Variants in PIWIL1 observed in about 807,000 individuals in gnomAD.
PIWIL1 encodes piwi like RNA-mediated gene silencing 1.
PIWIL1 carries 73 observed loss-of-function variants against 114.4 expected under a neutral mutation model. The observed-to-expected ratio is 0.64, with a 90% CI of 0.53 to 0.78. PIWIL1 has a LOEUF of 0.78. PIWIL1 is among the 30% of genes least tolerant of loss of function. PIWIL1 has a pLI of 0.00. For missense variants in PIWIL1, 723 were observed against 1,063.1 expected (o/e 0.68, Z 4.45); for synonymous variants, 375 against 369.0 (o/e 1.02, Z -0.19).
chr12:130,417,942 T>A, the PIWIL1 span, among the ~76,000 whole-genome samples: 4 of 151,728 alleles, frequency 2.6e-5, no homozygotes, highest in Non-Finnish European at 5.9e-5. Context: ...GGGAAGCAAG[T>A]GAGAAACACG....
chr12:130,342,495 CAAAG>C (rs1256601045), intron 1 of PIWIL1, 81 bp from the exon 2 acceptor site: 16 of 790,484 alleles, frequency 2.0e-5, no homozygotes, highest in African/African-American at 6.9e-5. Context: ...TTTTGAAACT[CAAAG>C]AAGTTTAAAG....
chr12:130,375,187 T>C (rs991223714), downstream of PIWIL1, among the ~76,000 whole-genome samples: 1 of 152,184 alleles, frequency 6.6e-6, no homozygotes, highest in Non-Finnish European at 1.5e-5. Context: ...GGTGCTTTCC[T>C]TCTAATTCTT....
At chr12:130,411,348 C>T in the PIWIL1 span, among the ~76,000 whole-genome samples, 1 of 152,100 alleles carries the variant, frequency 6.6e-6, no homozygotes, top group Non-Finnish European at 1.5e-5. Context: ...GGTGTGACTT[C>T]CCCTCACCAT....
chr12:130,349,533 G>A (rs2073157977), intron 8 of PIWIL1, 97 bp downstream of exon 8: 2 of 833,146 alleles, frequency 2.4e-6, no homozygotes, highest in Non-Finnish European at 3.8e-6. Flanking sequence ...TTAAAATTGA[G>A]TGGTGGGAAT....
intron 1 of PIWIL1, among the ~76,000 whole-genome samples, chr12:130,340,187 G>A (rs2072867239): frequency 6.6e-6 from 1 of 152,156 alleles, no homozygotes; most frequent in African/African-American, 2.4e-5. Flanking sequence ...TGGTTTCAGA[G>A]GAGGGTGAGG....
downstream of PIWIL1, among the ~76,000 whole-genome samples, chr12:130,376,921 G>A (rs1013820608): frequency 1.3e-5 from 2 of 152,166 alleles, no homozygotes; most frequent in Non-Finnish European, 2.9e-5. Flanking sequence ...TTCTCCTCCT[G>A]CCTTAGGGCC....
the PIWIL1 span, among the ~76,000 whole-genome samples, chr12:130,411,559 A>T: frequency 2.0e-5 from 3 of 151,856 alleles, no homozygotes; most frequent in Admixed American, 1.3e-4. Flanking sequence ...AGCATAAAAA[A>T]TTTTAATCTA....
At chr12:130,407,742 G>A in the PIWIL1 span, 1 of 1,613,878 alleles carries the variant, frequency 6.2e-7, no homozygotes. Flanking sequence ...ATCGACGTTG[G>A]GCGAGCTTTC....
intron 9 of PIWIL1, among the ~76,000 whole-genome samples, chr12:130,351,914 T>G (rs1238762992): frequency 6.6e-6 from 1 of 152,194 alleles, no homozygotes; most frequent in Admixed American, 6.5e-5. Flanking sequence ...GTGGCACCCG[T>G]GGCCCTGTGT....
At chr12:130,402,753 GCCC>G in the PIWIL1 span, among the ~76,000 whole-genome samples, 50 of 152,280 alleles carry the variant, frequency 3.3e-4, no homozygotes, top group Admixed American at 1.8e-3. Context: ...TTTTCTCTGT[GCCC>G]CAGTCAGTGA....
intron 19 of PIWIL1, among the ~76,000 whole-genome samples, chr12:130,368,672 T>C (rs2073736271): frequency 1.3e-5 from 2 of 152,116 alleles, no homozygotes; most frequent in Admixed American, 1.3e-4. Flanking sequence ...TCTTTCACCG[T>C]ATTCAAAACG....
chr12:130,349,580 C>T (rs941346392), intron 8 of PIWIL1, 144 bp downstream of exon 8: 3 of 636,676 alleles, frequency 4.7e-6, no homozygotes, highest in Admixed American at 2.9e-5. Flanking sequence ...TTCAGCTTTC[C>T]CAGGATCATA....
chr12:130,346,454 T>C lies in PIWIL1; in HGVS notation c.401T>C (p.Ile134Thr). ...CAGTGGGCCTTATATCAGTATCACA[T>C]TGACTATAACCCACTGATGGAAGCC... Reference protein sequence around the residue: ...RPQWALYQYHIDYNPLMEARR... With the variant: ...RPQWALYQYHTDYNPLMEARR... The change falls in exon 5 of 21, where the codon ATT (isoleucine) becomes ACT (threonine). Residue 134 changes from isoleucine (I) to threonine (T), a missense_variant. Physicochemically the swap from Ile to Thr is moderately conservative, Grantham distance 89 (BLOSUM62 -1). Coordinates refer to ENST00000245255, the MANE Select transcript of PIWIL1 (RefSeq NM_004764.5). 1 of 1,614,092 alleles carries C rather than the reference T, an allele frequency of 6.2e-7. No homozygotes were observed. Among genetic ancestry groups the C allele is most frequent in the Non-Finnish European group, 8.5e-7 (1 of 1,179,908 alleles).
the PIWIL1 span, among the ~76,000 whole-genome samples, chr12:130,411,837 G>A: frequency 2.4e-5 from 3 of 122,726 alleles, no homozygotes; most frequent in Admixed American, 1.5e-4. Flanking sequence ...AGGTTGAAAT[G>A]TTTTGATTTT....
intron 8 of PIWIL1, among the ~76,000 whole-genome samples, 191 bp downstream of exon 8, chr12:130,349,627 A>C (rs1309098100): frequency 6.6e-6 from 1 of 152,208 alleles, no homozygotes; most frequent in Non-Finnish European, 1.5e-5. Flanking sequence ...GAGAGGACAA[A>C]TAGCTAGTGA....
chr12:130,409,504 G>A, the PIWIL1 span, among the ~76,000 whole-genome samples: 14 of 151,984 alleles, frequency 9.2e-5, no homozygotes, highest in South Asian at 2.9e-3. Flanking sequence ...CACCACGCCC[G>A]GCTAATTTTT....
At chr12:130,342,349 AG>A (rs1309420618) in intron 1 of PIWIL1, 3 of 529,804 alleles carry the variant, frequency 5.7e-6, no homozygotes, top group African/African-American at 1.9e-5. Flanking sequence ...ATATTAAAAT[AG>A]GTTTTCCCCT....
chr12:130,421,725 T>TGTGTGTGTGTGTG, the PIWIL1 span, among the ~76,000 whole-genome samples: 5 of 88,056 alleles, frequency 5.7e-5, no homozygotes, highest in East Asian at 9.1e-4. Context: ...GTGTGTGTGT[T>TGTGTGTGTGTGTG]TTCATAGAAG....
At chr12:130,417,171 G>C in the PIWIL1 span, among the ~76,000 whole-genome samples, 1 of 152,152 alleles carries the variant, frequency 6.6e-6, no homozygotes, top group South Asian at 2.1e-4. Context: ...AGCCACTGTG[G>C]AAAGCAGTTT....
Sources: allele counts gnomAD v4.1 joint callset (sites outside exome capture counted in the v4.1 genomes callset), GRCh38; gene constraint gnomAD v4.1.1; transcripts MANE v1.5; gene names NCBI Gene and HGNC (gene_info 2026-07-23, HGNC 2026-07-21).